Variants in PDE1A observed in about 807,000 individuals in gnomAD.
The protein encoded by PDE1A is dual specificity calcium/calmodulin-dependent 3',5'-cyclic nucleotide phosphodiesterase 1A.
A neutral mutation model predicts 61.7 loss-of-function variants in PDE1A; 35 were observed. The ratio of observed to expected loss-of-function variants is 0.57; its 90% CI spans 0.43 to 0.75. The LOEUF (loss-of-function observed/expected upper bound fraction) is 0.75, where lower values mean the gene tolerates loss of function less well. Among genes scored for constraint, PDE1A ranks in the 30% least tolerant of loss-of-function variants. The probability of loss-of-function intolerance (pLI) is 0.00; values close to 1 mark genes in which losing one functional copy is unlikely to be tolerated. For missense variants in PDE1A, 597 were observed against 630.6 expected (o/e 0.95, Z 0.57); for synonymous variants, 232 against 213.2 (o/e 1.09, Z -0.77).
At chr2:182,310,955 G>C (rs962643945) in intron 1 of PDE1A, among the ~76,000 whole-genome samples, 1 of 152,096 alleles carries the variant, frequency 6.6e-6, no homozygotes, top group Non-Finnish European at 1.5e-5. Flanking sequence ...CCACATAAGC[G>C]CTCTGCTTCC....
the PDE1A span, among the ~76,000 whole-genome samples, chr2:182,678,209 G>T: frequency 6.6e-6 from 1 of 152,210 alleles, no homozygotes; most frequent in Non-Finnish European, 1.5e-5. Context: ...CGGATCATGA[G>T]GTCAGGGGTT....
intron 1 of PDE1A, among the ~76,000 whole-genome samples, chr2:182,364,466 T>TAAAAAAAAAAAA (rs201821721): frequency 0.021 from 751 of 35,842 alleles, 234 homozygotes; most frequent in East Asian, 0.056. Flanking sequence ...AACACTTTGG[T>TAAAAAAAAAAAA]AAAAAAAAAA....
the PDE1A span, among the ~76,000 whole-genome samples, chr2:182,613,819 A>C: frequency 1.3e-5 from 2 of 152,274 alleles, no homozygotes; most frequent in East Asian, 3.9e-4. Context: ...GCCATGGGGT[A>C]TTTTAGGTTT....
the PDE1A span, among the ~76,000 whole-genome samples, chr2:182,700,758 G>GAAAAAAA: frequency 1.1e-5 from 1 of 94,770 alleles, no homozygotes; most frequent in Non-Finnish European, 2.3e-5. Flanking sequence ...AAAAGAAAAA[G>GAAAAAAA]AAAAAGAAAT....
At chr2:182,159,577 TAAGC>T (rs1441623331) in intron 13 of PDE1A, among the ~76,000 whole-genome samples, 2 of 152,240 alleles carry the variant, frequency 1.3e-5, no homozygotes, top group Non-Finnish European at 2.9e-5. Context: ...AAAATCATCT[TAAGC>T]AAGTAATACT....
intron 1 of PDE1A, among the ~76,000 whole-genome samples, chr2:182,273,260 A>G (rs1211822360): frequency 6.6e-6 from 1 of 152,080 alleles, no homozygotes; most frequent in African/African-American, 2.4e-5. Context: ...TTAACTTAGA[A>G]GTCAGATCCT....
At chr2:182,306,496 A>C (rs1695594308) in intron 1 of PDE1A, among the ~76,000 whole-genome samples, 1 of 152,082 alleles carries the variant, frequency 6.6e-6, no homozygotes, top group Admixed American at 6.6e-5. Context: ...ACACACACAC[A>C]CACAAAAGCA....
chr2:182,446,600 T>G, intron 2 of PDE1A, among the ~76,000 whole-genome samples: 1 of 152,086 alleles, frequency 6.6e-6, no homozygotes, highest in East Asian at 1.9e-4. Context: ...GATTGAAAAT[T>G]TGCTTTGTAA....
intron 6 of PDE1A, among the ~76,000 whole-genome samples, chr2:182,225,411 T>C (rs368251130): frequency 3.0e-4 from 45 of 152,080 alleles, no homozygotes; most frequent in African/African-American, 1.1e-3. Flanking sequence ...TTGAATCTCA[T>C]AGGTACCAAA....
At chr2:182,301,388 G>A (rs1259218453) in intron 1 of PDE1A, among the ~76,000 whole-genome samples, 1 of 152,102 alleles carries the variant, frequency 6.6e-6, no homozygotes, top group Non-Finnish European at 1.5e-5. Context: ...ATGGCTCTGA[G>A]AACCAAAAAG....
upstream of PDE1A, among the ~76,000 whole-genome samples, chr2:182,430,785 T>G (rs1240836217): frequency 7.5e-6 from 1 of 133,914 alleles, no homozygotes; most frequent in African/African-American, 2.7e-5. Context: ...CCATAAAAAA[T>G]GATGAGTTCA....
downstream of PDE1A, among the ~76,000 whole-genome samples, chr2:182,145,795 A>G (rs1690463940): frequency 6.6e-6 from 1 of 152,168 alleles, no homozygotes. Context: ...AGTGCCTGAC[A>G]CTTTATTGTT....
the PDE1A span, among the ~76,000 whole-genome samples, chr2:182,559,505 C>T: frequency 6.6e-6 from 1 of 152,122 alleles, no homozygotes; most frequent in Admixed American, 6.6e-5. Flanking sequence ...TATAGAGCAA[C>T]CAGAATTCTC....
the PDE1A span, among the ~76,000 whole-genome samples, chr2:182,686,756 G>A: frequency 7.2e-5 from 11 of 152,216 alleles, no homozygotes; most frequent in Non-Finnish European, 1.5e-4. Context: ...GAAACGCAAG[G>A]GCTCAGGGAA....
chr2:182,441,504 G>T (rs1057369440), intron 2 of PDE1A, among the ~76,000 whole-genome samples: 2 of 151,980 alleles, frequency 1.3e-5, no homozygotes, highest in Non-Finnish European at 2.9e-5. Flanking sequence ...AGAGGTACTG[G>T]TATAAACTAT....
the PDE1A span, among the ~76,000 whole-genome samples, chr2:182,709,007 T>C: frequency 6.6e-6 from 1 of 152,232 alleles, no homozygotes; most frequent in Non-Finnish European, 1.5e-5. Context: ...CCACAGATTA[T>C]GTTCCTATGT....
chr2:182,476,831 A>C (rs1687394091), intron 2 of PDE1A, among the ~76,000 whole-genome samples: 1 of 151,718 alleles, frequency 6.6e-6, no homozygotes, highest in South Asian at 2.1e-4. Flanking sequence ...CCAATAATAA[A>C]AGTGACTAGG....
Position 182,346,429 on chromosome 2 carries a change from T to C in PDE1A, c.53+80149A>G, listed in dbSNP as rs77545609. ...TGGATACCAGATCAGGGAGGGTAAG[T>C]TGGAGGTAAAATAGAGAAGATGAAG... On this transcript the variant is annotated intron_variant, in intron 1 of 13. Coordinates refer to ENST00000351439, the Ensembl canonical transcript of PDE1A. 4.5e-3 allele frequency among the ~76,000 whole-genome samples: 679 copies of C among 152,180 alleles called. 13 individuals carry two copies. Among genetic ancestry groups the C allele is most frequent in the East Asian group, 0.037 (189 of 5,174 alleles).
At chr2:182,712,051 C>G in the PDE1A span, among the ~76,000 whole-genome samples, 4 of 152,178 alleles carry the variant, frequency 2.6e-5, no homozygotes, top group Non-Finnish European at 5.9e-5. Flanking sequence ...AATTTGCAGC[C>G]TGCAATGGAT....
Sources: gnomAD v4.1 joint callset for allele counts (sites outside exome capture counted in the v4.1 genomes callset) on GRCh38, gnomAD v4.1.1 for gene constraint, MANE v1.5 for transcripts, NCBI Gene and HGNC (gene_info 2026-07-23, HGNC 2026-07-21) for gene names.